Variants in GPC6 observed in about 807,000 individuals in gnomAD.
The protein encoded by GPC6 is glypican 6, also known as glypican-6.
Under a neutral mutation model 55.2 loss-of-function variants are expected in GPC6, and 14 were observed. That is an observed-to-expected ratio of 0.25 (90% CI 0.17 to 0.40). The LOEUF (loss-of-function observed/expected upper bound fraction) is 0.40. Among genes scored for constraint, GPC6 ranks in the 10% least tolerant of loss-of-function variants. The pLI, the probability that GPC6 is intolerant of heterozygous loss-of-function variation, is 1.00. For missense variants in GPC6, 641 were observed against 708.5 expected (o/e 0.90, Z 1.08); for synonymous variants, 278 against 259.6 (o/e 1.07, Z -0.68).
intron 1 of GPC6, among the ~76,000 whole-genome samples, chr13:93,474,411 CT>C (rs1879231850): frequency 6.6e-6 from 1 of 152,108 alleles, no homozygotes; most frequent in Admixed American, 6.5e-5. Flanking sequence ...AACATTTTCT[CT>C]GCCATTATTC....
intron 2 of GPC6, among the ~76,000 whole-genome samples, chr13:93,782,579 A>G (rs978065340): frequency 2.6e-5 from 4 of 151,950 alleles, no homozygotes; most frequent in Admixed American, 6.6e-5. Context: ...TTTTCTCCAC[A>G]TTTTTACCAA....
At chr13:93,458,239 A>G (rs959636007) in intron 1 of GPC6, among the ~76,000 whole-genome samples, 4 of 152,166 alleles carry the variant, frequency 2.6e-5, no homozygotes, top group South Asian at 2.1e-4. Context: ...AACTTTCTAT[A>G]TGGTCTTTAG....
intron 3 of GPC6, among the ~76,000 whole-genome samples, chr13:93,910,772 A>G (rs552067780): frequency 1.3e-5 from 2 of 152,226 alleles, no homozygotes; most frequent in Non-Finnish European, 2.9e-5. Context: ...CATTAAATAC[A>G]TCACCAACCC....
chr13:93,351,678 T>C (rs184159213), intron 1 of GPC6, among the ~76,000 whole-genome samples: 18 of 152,260 alleles, frequency 1.2e-4, no homozygotes, highest in Non-Finnish European at 1.5e-5. Flanking sequence ...ATTATATGTA[T>C]GGAAATGGCA....
At chr13:93,668,708 T>A (rs1881240365) in intron 2 of GPC6, among the ~76,000 whole-genome samples, 1 of 152,136 alleles carries the variant, frequency 6.6e-6, no homozygotes, top group South Asian at 2.1e-4. Flanking sequence ...CACAGAAAGA[T>A]CCTTCCCTAA....
chr13:93,548,858 T>A (rs1284195418), intron 2 of GPC6, among the ~76,000 whole-genome samples: 1 of 152,202 alleles, frequency 6.6e-6, no homozygotes, highest in East Asian at 1.9e-4. Context: ...ATATCTTTTT[T>A]AAGTTTTTGA....
chr13:93,705,228 T>C (rs1338745175), intron 2 of GPC6, among the ~76,000 whole-genome samples: 2 of 151,960 alleles, frequency 1.3e-5, no homozygotes, highest in Non-Finnish European at 2.9e-5. Context: ...CAAATACAAA[T>C]GTAGTTAATC....
intron 2 of GPC6, among the ~76,000 whole-genome samples, chr13:93,649,092 C>T (rs1880297552): frequency 6.6e-6 from 1 of 152,082 alleles, no homozygotes; most frequent in Non-Finnish European, 1.5e-5. Flanking sequence ...GTAACTTGAA[C>T]TATATGGATC....
At chr13:93,555,693 A>G (rs1201889770) in intron 2 of GPC6, among the ~76,000 whole-genome samples, 1 of 152,188 alleles carries the variant, frequency 6.6e-6, no homozygotes, top group Non-Finnish European at 1.5e-5. Context: ...GTTTTTCTCC[A>G]TTGCAAGTAT....
intron 6 of GPC6, among the ~76,000 whole-genome samples, chr13:94,306,466 G>A (rs1028323187): frequency 2.0e-5 from 3 of 152,138 alleles, no homozygotes; most frequent in Admixed American, 6.5e-5. Flanking sequence ...ATCTGCTTCA[G>A]TTCTTTTCTG....
intron 2 of GPC6, among the ~76,000 whole-genome samples, chr13:93,778,652 C>G (rs1191699989): frequency 6.6e-6 from 1 of 152,156 alleles, no homozygotes; most frequent in African/African-American, 2.4e-5. Flanking sequence ...CACCAAGCTT[C>G]TATACCAGGA....
intron 2 of GPC6, among the ~76,000 whole-genome samples, chr13:93,801,136 A>G (rs1886355720): frequency 1.3e-5 from 2 of 152,190 alleles, no homozygotes; most frequent in African/African-American, 2.4e-5. Context: ...GTTTGCCTGA[A>G]TAGACACTTG....
intron 2 of GPC6, among the ~76,000 whole-genome samples, chr13:93,708,201 A>G (rs1882924105): frequency 6.6e-6 from 1 of 151,854 alleles, no homozygotes; most frequent in Non-Finnish European, 1.5e-5. Context: ...GGGCACTTGT[A>G]TGTGTACATA....
chr13:93,968,992 G>T (rs1880168041), intron 3 of GPC6, among the ~76,000 whole-genome samples: 1 of 152,102 alleles, frequency 6.6e-6, no homozygotes, highest in South Asian at 2.1e-4. Flanking sequence ...AAAGATCCAG[G>T]CATCTCCTGA....
chr13:93,525,684 G>A (rs988460051), intron 1 of GPC6, among the ~76,000 whole-genome samples: 1 of 152,094 alleles, frequency 6.6e-6, no homozygotes, highest in Non-Finnish European at 1.5e-5. Flanking sequence ...GGCCTGGGAT[G>A]ATGGTTGAGC....
In GPC6 at chr13:93,804,731, G is replaced by A. The variant is rs182657016; in HGVS notation, c.320-25423G>A. Among the ~76,000 whole-genome samples the A allele has an allele frequency of 5.4e-3, 814 of 152,142 alleles. 4 individuals are homozygous for A. Among genetic ancestry groups the A allele is most frequent in the Admixed American group, 8.6e-3 (132 of 15,262 alleles). ...TCGCCTATCCCAAATCAACCACCAG[G>A]AACCATAGATTCTCTCTTGACAACT... is the stretch of plus-strand genomic sequence containing the variant. On this transcript the variant is annotated intron_variant, in intron 2 of 8. Coordinates refer to ENST00000377047, the MANE Select transcript of GPC6 (RefSeq NM_005708.5).
chr13:93,627,858 T>C (rs1879268795), intron 2 of GPC6, among the ~76,000 whole-genome samples: 1 of 152,230 alleles, frequency 6.6e-6, no homozygotes, highest in South Asian at 2.1e-4. Flanking sequence ...TAAGTGACTA[T>C]CATTATGAAG....
intron 2 of GPC6, among the ~76,000 whole-genome samples, chr13:93,597,193 G>A (rs3848063): frequency 0.9 from 137,309 of 151,976 alleles, 62,243 homozygotes; most frequent in African/African-American, 0.97. Context: ...ATCCAGAAAA[G>A]CTCTCATAGA....
intron 1 of GPC6, among the ~76,000 whole-genome samples, chr13:93,382,169 C>A (rs916608832): frequency 6.6e-5 from 10 of 152,106 alleles, no homozygotes; most frequent in Non-Finnish European, 1.5e-5. Context: ...CTGATATTGA[C>A]TAGTGTTGCA....
Sources: allele counts gnomAD v4.1 joint callset (sites outside exome capture counted in the v4.1 genomes callset), GRCh38; gene constraint gnomAD v4.1.1; transcripts MANE v1.5; gene names NCBI Gene and HGNC (gene_info 2026-07-23, HGNC 2026-07-21).